Variants in ZNF292 observed in about 807,000 individuals in gnomAD.
ZNF292 encodes the protein zinc finger protein 292, also known as 16 zinc-finger domain protein.
A neutral mutation model predicts 217.9 loss-of-function variants in ZNF292; 26 were observed. The observed-to-expected ratio is 0.12, with a 90% CI of 0.09 to 0.17. ZNF292 has a LOEUF of 0.17. Ranked by LOEUF, ZNF292 falls within the 10% of genes least tolerant of loss-of-function variation. The pLI is 1.00. For missense variants in ZNF292, 2,904 were observed against 3,175.2 expected, an observed-to-expected ratio of 0.91 and a Z score of 2.05; for synonymous variants, 1,257 against 1,124.1, an observed-to-expected ratio of 1.12 and a Z score of -2.37.
intron 1 of ZNF292, among the ~76,000 whole-genome samples, chr6:87,188,585 G>A (rs1771731322): frequency 6.6e-6 from 1 of 151,954 alleles, no homozygotes; most frequent in Admixed American, 6.5e-5. Flanking sequence ...ACACTAATTT[G>A]TAACCATGTT....
At chr6:87,243,106 A>G (rs1055842515) in intron 5 of ZNF292, among the ~76,000 whole-genome samples, 12 of 151,828 alleles carry the variant, frequency 7.9e-5, no homozygotes, top group Non-Finnish European at 1.5e-4. Context: ...GGGAAAAAAT[A>G]AAAGTACTGC....
intron 1 of ZNF292, chr6:87,213,861 CA>C (rs1772610416): frequency 6.6e-6 from 1 of 152,166 alleles, no homozygotes; most frequent in Non-Finnish European, 1.5e-5. Context: ...TTAACAGGAT[CA>C]AAGGTAATTT....
At position 87,254,701 on chromosome 6, in the gene ZNF292, C is replaced by T. The variant is rs746123865; in HGVS notation, c.1072C>T (p.Arg358Cys). 13 of 1,613,862 alleles carry T rather than the reference C, an allele frequency of 8.1e-6. No homozygotes were observed. Among genetic ancestry groups the T allele is most frequent in the South Asian group, 1.1e-5 (1 of 91,064 alleles). The change falls in exon 8 of 8, where the codon CGC (arginine) becomes TGC (cysteine). Residue 358 changes from arginine (R) to cysteine (C), a missense_variant. By Grantham distance (180) the Arg-to-Cys change is radical. Coordinates refer to ENST00000369577, the MANE Select transcript of ZNF292 (RefSeq NM_015021.3). ...TCIELCVKAL[R>C]LESTENTEVK... ...TATAGAACTGTGTGTAAAGGCTCTT[C>T]GCTTGGAGTCTACAGAAAATACTGA...
intron 1 of ZNF292, among the ~76,000 whole-genome samples, chr6:87,208,438 A>C (rs187645151): frequency 2.4e-3 from 361 of 152,052 alleles, no homozygotes; most frequent in African/African-American, 8.6e-3. Context: ...TTTTTCTCCT[A>C]TCCATAATTT....
At position 87,256,230 on chromosome 6, in the gene ZNF292, A is replaced by G. The variant is rs1450643562; in HGVS notation, c.2601A>G (p.Lys867=). 1.4e-5 allele frequency: 23 copies of G among 1,613,762 alleles called. No individual in the cohort carries two copies. The highest frequency in any genetic ancestry group is 1.9e-5 in the Non-Finnish European group (22 of 1,179,834). The stretch of plus-strand genomic sequence containing the variant: ...AGAACACAGCAGAGAATATTGAGAA[A>G]GAAAGATCTATGCTTCCTTCAGAAA... ...VNQNTAENIE[K]ERSMLPSENN... Residue 867 remains lysine (K), a synonymous_variant, in exon 8 of 8, where the codon AAA becomes AAG. Transcript: ENST00000369577.
At chr6:87,198,876 A>G (rs1381841392) in intron 1 of ZNF292, among the ~76,000 whole-genome samples, 1 of 152,218 alleles carries the variant, frequency 6.6e-6, no homozygotes, top group Non-Finnish European at 1.5e-5. Flanking sequence ...ATATTCAGCC[A>G]TATGGATTTA....
At chr6:87,161,820 C>G (rs1314182199) in intron 1 of ZNF292, among the ~76,000 whole-genome samples, 1 of 152,174 alleles carries the variant, frequency 6.6e-6, no homozygotes, top group African/African-American at 2.4e-5. Flanking sequence ...ACAATGAAAA[C>G]TTGATCTTTT....
intron 1 of ZNF292, among the ~76,000 whole-genome samples, chr6:87,169,051 T>C (rs1453198546): frequency 6.6e-6 from 1 of 152,168 alleles, no homozygotes; most frequent in Non-Finnish European, 1.5e-5. Flanking sequence ...TTTTTAATTT[T>C]TATTTTTTTG....
intron 5 of ZNF292, among the ~76,000 whole-genome samples, chr6:87,235,971 T>G (rs565003028): frequency 6.6e-6 from 1 of 152,338 alleles, no homozygotes; most frequent in South Asian, 2.1e-4. Context: ...CATTACTTTG[T>G]TAAAAGTCCT....
chr6:87,228,069 G>A (rs1024798773), intron 4 of ZNF292, among the ~76,000 whole-genome samples: 1 of 152,122 alleles, frequency 6.6e-6, no homozygotes, highest in Non-Finnish European at 1.5e-5. Flanking sequence ...AGTATTGTAC[G>A]AAGGTTCCAG....
intron 1 of ZNF292, among the ~76,000 whole-genome samples, chr6:87,163,051 A>G (rs1337519143): frequency 6.6e-6 from 1 of 152,196 alleles, no homozygotes; most frequent in Non-Finnish European, 1.5e-5. Context: ...TGCACAATGT[A>G]TCTCAAAAGA....
At chr6:87,227,593 C>T (rs540790413) in intron 4 of ZNF292, among the ~76,000 whole-genome samples, 3 of 152,208 alleles carry the variant, frequency 2.0e-5, no homozygotes, top group Admixed American at 1.3e-4. Flanking sequence ...CAACAACTCC[C>T]CTTTTCCCTT....
At chr6:87,228,535 TTTC>T (rs1456661157) in intron 4 of ZNF292, among the ~76,000 whole-genome samples, 2 of 152,202 alleles carry the variant, frequency 1.3e-5, no homozygotes, top group Non-Finnish European at 2.9e-5. Flanking sequence ...TTCTCTATGG[TTTC>T]TTCTACGAGT....
intron 1 of ZNF292, among the ~76,000 whole-genome samples, chr6:87,206,956 G>A (rs1582419385): frequency 6.6e-6 from 1 of 152,178 alleles, no homozygotes; most frequent in South Asian, 2.1e-4. Context: ...AGTGGGTGTC[G>A]AAAGGGATGT....
At chr6:87,210,606 G>A (rs137978003) in intron 1 of ZNF292, among the ~76,000 whole-genome samples, 10 of 151,974 alleles carry the variant, frequency 6.6e-5, no homozygotes, top group Non-Finnish European at 1.0e-4. Context: ...AAGGTGAAAC[G>A]CCGTCTCTAC....
chr6:87,158,715 A>G (rs1037735079), intron 1 of ZNF292, among the ~76,000 whole-genome samples: 1 of 152,208 alleles, frequency 6.6e-6, no homozygotes, highest in Non-Finnish European at 1.5e-5. Context: ...TATCTTAGCA[A>G]TTATCACCTA....
At chr6:87,181,202 C>A (rs1771462187) in intron 1 of ZNF292, among the ~76,000 whole-genome samples, 1 of 152,082 alleles carries the variant, frequency 6.6e-6, no homozygotes, top group African/African-American at 2.4e-5. Context: ...TGTTCCCTAG[C>A]GTCCCGGATC....
Position 87,218,737 on chromosome 6 carries a change from T to C in ZNF292, c.538+6T>C. ...ACCATTGGATAAGGATAAAGGTAAA[T>C]TTTCGAGAGACAGAGAAAAAAAAGA... On this transcript the variant is annotated splice_donor_region_variant and intron_variant, in intron 4 of 7. Coordinates refer to ENST00000369577, the MANE Select transcript of ZNF292 (RefSeq NM_015021.3). 1 of 1,570,204 alleles carries C rather than the reference T, an allele frequency of 6.4e-7. No individual in the cohort carries two copies.
At chr6:87,231,952 G>C (rs1773678983) in intron 4 of ZNF292, among the ~76,000 whole-genome samples, 1 of 152,070 alleles carries the variant, frequency 6.6e-6, no homozygotes, top group South Asian at 2.1e-4. Context: ...CTTTGGCAGT[G>C]AACTAAACTG....
Sources: gnomAD v4.1 joint callset for allele counts (sites outside exome capture counted in the v4.1 genomes callset) on GRCh38, gnomAD v4.1.1 for gene constraint, MANE v1.5 for transcripts, NCBI Gene and HGNC (gene_info 2026-07-23, HGNC 2026-07-21) for gene names.